NKAIN2: variants seen among roughly 807,000 people sequenced by gnomAD.
NKAIN2 encodes the protein sodium/potassium transporting ATPase interacting 2.
NKAIN2 carries 14 observed loss-of-function variants against 32.6 expected under a neutral mutation model. The ratio of observed to expected loss-of-function variants is 0.43; its 90% CI spans 0.28 to 0.67. NKAIN2 has a LOEUF of 0.67. Among genes scored for constraint, NKAIN2 ranks in the 30% least tolerant of loss-of-function variants. The pLI is 0.17. For missense variants in NKAIN2, 198 were observed against 258.3 expected (o/e 0.77, Z 1.60); for synonymous variants, 80 against 87.2 (o/e 0.92, Z 0.46).
chr6:123,973,306 A>G (rs904878483), intron 1 of NKAIN2, among the ~76,000 whole-genome samples: 10 of 152,242 alleles, frequency 6.6e-5, no homozygotes, highest in Admixed American at 5.9e-4. Context: ...GTTAAAGAAA[A>G]CATTCCTAAA....
At chr6:124,806,758 G>C (rs932908308) in intron 5 of NKAIN2, among the ~76,000 whole-genome samples, 4 of 151,118 alleles carry the variant, frequency 2.6e-5, no homozygotes, top group Admixed American at 2.6e-4. Context: ...CACATGCAGA[G>C]ACACACATAG....
At chr6:123,973,263 G>C (rs1778419417) in intron 1 of NKAIN2, among the ~76,000 whole-genome samples, 1 of 152,016 alleles carries the variant, frequency 6.6e-6, no homozygotes, top group South Asian at 2.1e-4. Context: ...GTCTCTGAAA[G>C]CTAACAGCTT....
At chr6:124,005,230 A>G (rs1363287991) in intron 1 of NKAIN2, among the ~76,000 whole-genome samples, 1 of 152,168 alleles carries the variant, frequency 6.6e-6, no homozygotes, top group Non-Finnish European at 1.5e-5. Context: ...ATCTCAAAAA[A>G]CAAAACAAAA....
chr6:124,329,994 G>T (rs1019516086), intron 2 of NKAIN2, among the ~76,000 whole-genome samples: 4 of 152,166 alleles, frequency 2.6e-5, no homozygotes, highest in African/African-American at 9.7e-5. Flanking sequence ...GGATGCAAGG[G>T]ATCCAATGTA....
intron 1 of NKAIN2, among the ~76,000 whole-genome samples, chr6:123,821,764 G>A (rs1374893096): frequency 6.6e-6 from 1 of 152,168 alleles, no homozygotes; most frequent in Non-Finnish European, 1.5e-5. Context: ...CAAAAATACT[G>A]TTGGCTTTTA....
chr6:124,011,873 T>C (rs1322842203), intron 1 of NKAIN2, among the ~76,000 whole-genome samples: 2 of 152,126 alleles, frequency 1.3e-5, no homozygotes, highest in Non-Finnish European at 2.9e-5. Context: ...TAGTCCTCCA[T>C]GTTTTTGATC....
chr6:123,895,164 CTT>C lies in NKAIN2; in HGVS notation c.54+90912_54+90913del, dbSNP rs147062681. Among the ~76,000 whole-genome samples, 1,230 of 151,562 alleles carry C rather than the reference CTT, an allele frequency of 8.1e-3. 14 individuals are homozygous for C. Among genetic ancestry groups the C allele is most frequent in the African/African-American group, 0.028 (1,146 of 41,314 alleles). On this transcript the variant is annotated intron_variant, in intron 1 of 6. Transcript: ENST00000368417. ...TTCTTCTCTCTTTCCTCAGTTCTCT[CTT>C]TCTTTCTGTCTCTCTCTGTCTCTCT... is the stretch of plus-strand genomic sequence containing the variant.
intron 3 of NKAIN2, among the ~76,000 whole-genome samples, chr6:124,553,350 C>T (rs1780359639): frequency 6.6e-6 from 1 of 152,184 alleles, no homozygotes; most frequent in Non-Finnish European, 1.5e-5. Context: ...TCTTGTTGCT[C>T]AGGCTGGAGT....
chr6:124,721,891 T>C (rs1776037996), intron 4 of NKAIN2, among the ~76,000 whole-genome samples: 1 of 152,216 alleles, frequency 6.6e-6, no homozygotes, highest in South Asian at 2.1e-4. Context: ...TAGTATTAAG[T>C]ACATTCACAT....
At position 124,282,223 on chromosome 6, in the gene NKAIN2, T is replaced by C. The variant is rs558126501; in HGVS notation, c.55-782T>C. The C allele has an allele frequency of 1.5e-3, 494 of 331,940 alleles. 1 individual carries two copies. Among genetic ancestry groups the C allele is most frequent in the Non-Finnish European group, 1.8e-3 (300 of 169,022 alleles). The allele number at this position is 331,940 out of a possible 1,614,324, so 20.6% of individuals were successfully genotyped here. A position where few individuals can be genotyped will look rare whatever the true frequency, so the allele number is the denominator to read the frequency against. ...CTTAGATTTTTATATGTCTTAATTATAGTTGTGAACACAGATGAAAATAGT... is the reference window on the plus strand; with the variant it reads ...CTTAGATTTTTATATGTCTTAATTACAGTTGTGAACACAGATGAAAATAGT... On this transcript the variant is annotated intron_variant, in intron 1 of 6. Transcript: ENST00000368417.
At chr6:124,238,551 ACTG>A (rs1792900142) in intron 1 of NKAIN2, among the ~76,000 whole-genome samples, 2 of 152,132 alleles carry the variant, frequency 1.3e-5, no homozygotes, top group Non-Finnish European at 2.9e-5. Context: ...AAACAGGATG[ACTG>A]AATAGGAACA....
chr6:123,806,792 A>G (rs908488068), intron 1 of NKAIN2, among the ~76,000 whole-genome samples: 7 of 152,016 alleles, frequency 4.6e-5, no homozygotes, highest in African/African-American at 1.7e-4. Flanking sequence ...AAGAGACTCT[A>G]AGTTAGAAAC....
In NKAIN2 at chr6:124,429,005, C is replaced by T. The variant is rs990371052; in HGVS notation, c.273+73658C>T. Among the ~76,000 whole-genome samples the T allele has an allele frequency of 3.3e-5, 5 of 152,020 alleles. No individual in the cohort carries two copies. The South Asian group carries it at 8.3e-4, about 25-fold the overall frequency. On this transcript the variant is annotated intron_variant, in intron 3 of 6. Coordinates refer to ENST00000368417, the MANE Select transcript of NKAIN2 (RefSeq NM_001040214.3). The stretch of plus-strand genomic sequence containing the variant: ...TTTTCTGAATATGAATGTTGATATC[C>T]ATTTGTTCTCATGCATGTGAACTCA...
At chr6:124,796,023 C>A (rs191999666) in intron 5 of NKAIN2, among the ~76,000 whole-genome samples, 6 of 152,218 alleles carry the variant, frequency 3.9e-5, no homozygotes, top group Non-Finnish European at 7.4e-5. Context: ...AAGCCAGAGC[C>A]ACAGTTTGGC....
intron 4 of NKAIN2, among the ~76,000 whole-genome samples, chr6:124,710,257 G>A (rs1775370440): frequency 6.6e-6 from 1 of 151,790 alleles, no homozygotes; most frequent in Admixed American, 6.6e-5. Context: ...CCAAGTATGT[G>A]GTCAATTTTG....
chr6:124,346,208 A>G (rs1307445217), intron 2 of NKAIN2, among the ~76,000 whole-genome samples: 3 of 152,056 alleles, frequency 2.0e-5, no homozygotes, highest in Non-Finnish European at 4.4e-5. Context: ...ACAGTTTTTT[A>G]TAATTTCTGT....
intron 4 of NKAIN2, among the ~76,000 whole-genome samples, chr6:124,720,684 C>A (rs1775968167): frequency 6.6e-6 from 1 of 152,162 alleles, no homozygotes; most frequent in South Asian, 2.1e-4. Flanking sequence ...CAGATAGCCA[C>A]ACGGGTGTTG....
chr6:124,203,250 C>G (rs540036420), intron 1 of NKAIN2, among the ~76,000 whole-genome samples: 2 of 151,908 alleles, frequency 1.3e-5, no homozygotes, highest in South Asian at 4.1e-4. Flanking sequence ...CTTCCACCCA[C>G]TAGATTATCA....
At chr6:124,597,105 T>A (rs933969909) in intron 3 of NKAIN2, among the ~76,000 whole-genome samples, 1 of 152,104 alleles carries the variant, frequency 6.6e-6, no homozygotes, top group Non-Finnish European at 1.5e-5. Flanking sequence ...CTGACTCAAA[T>A]GTTAATCTCA....
Sources: gnomAD v4.1 joint callset for allele counts (sites outside exome capture counted in the v4.1 genomes callset) on GRCh38, gnomAD v4.1.1 for gene constraint, MANE v1.5 for transcripts, NCBI Gene and HGNC (gene_info 2026-07-23, HGNC 2026-07-21) for gene names.